Variants in ST18 observed in about 807,000 individuals in gnomAD.
ST18 encodes the protein ST18 C2H2C-type zinc finger transcription factor.
ST18 carries 50 observed loss-of-function variants against 110.0 expected under a neutral mutation model. The ratio of observed to expected loss-of-function variants is 0.45; its 90% CI spans 0.36 to 0.58. The LOEUF (loss-of-function observed/expected upper bound fraction) is 0.58, where lower values mean the gene tolerates loss of function less well. Ranked by LOEUF, ST18 falls within the 20% of genes least tolerant of loss-of-function variation. ST18 has a pLI of 0.00. For synonymous variants in ST18, 461 were observed against 452.4 expected, an observed-to-expected ratio of 1.02 and a Z score of -0.24; for missense variants, 1,306 against 1,280.1, an observed-to-expected ratio of 1.02 and a Z score of -0.31.
intron 2 of ST18, among the ~76,000 whole-genome samples, chr8:52,333,173 A>ACCC (rs1810397672): frequency 2.0e-5 from 3 of 152,124 alleles, no homozygotes; most frequent in African/African-American, 7.2e-5. Flanking sequence ...AGTGAGATAC[A>ACCC]TATTTGAGGT....
At chr8:52,178,648 C>CAAAAAAAAAAAAAAAAAAAAAAAAAAAAA (rs2068035729) in intron 9 of ST18, among the ~76,000 whole-genome samples, 1 of 37,418 alleles carries the variant, frequency 2.7e-5, no homozygotes, top group Non-Finnish European at 5.3e-5. Context: ...AAAAAACCAC[C>CAAAAAAAAAAAAAAAAAAAAAAAAAAAAA]AAAAACCAAA....
At chr8:52,403,158 G>T (rs912747102) in intron 2 of ST18, among the ~76,000 whole-genome samples, 1 of 152,078 alleles carries the variant, frequency 6.6e-6, no homozygotes, top group African/African-American at 2.4e-5. Context: ...TGTTCCCAGG[G>T]GGTATGGAGT....
At chr8:52,406,673 C>T (rs1590789166) in intron 2 of ST18, 1 of 152,238 alleles carries the variant, frequency 6.6e-6, no homozygotes, top group Non-Finnish European at 1.5e-5. Flanking sequence ...AAATCCATTC[C>T]TCTCTTCACC....
intron 2 of ST18, among the ~76,000 whole-genome samples, chr8:52,403,157 G>C (rs987613184): frequency 1.3e-5 from 2 of 152,038 alleles, no homozygotes; most frequent in African/African-American, 2.4e-5. Flanking sequence ...TTGTTCCCAG[G>C]GGGTATGGAG....
chr8:52,282,605 A>G (rs1036005532), intron 2 of ST18, among the ~76,000 whole-genome samples: 2 of 152,140 alleles, frequency 1.3e-5, no homozygotes, highest in Non-Finnish European at 2.9e-5. Context: ...TGCCTTGTGT[A>G]GGCTGAGCAC....
At chr8:52,203,382 C>G (rs1054318295) in intron 8 of ST18, among the ~76,000 whole-genome samples, 3 of 152,050 alleles carry the variant, frequency 2.0e-5, no homozygotes, top group African/African-American at 7.2e-5. Context: ...TTTCTGCCAA[C>G]CTTTGTACCA....
chr8:52,365,599 C>G (rs550746896), intron 2 of ST18, among the ~76,000 whole-genome samples: 1 of 151,354 alleles, frequency 6.6e-6, no homozygotes, highest in Non-Finnish European at 1.5e-5. Flanking sequence ...AAAAAACTTA[C>G]GTTATTTATG....
At chr8:52,170,580 AT>A (rs543413279) in intron 10 of ST18, among the ~76,000 whole-genome samples, 8 of 151,018 alleles carry the variant, frequency 5.3e-5, no homozygotes, top group South Asian at 2.1e-4. Context: ...AGTAAATTTC[AT>A]TTTTTTTTCT....
At chr8:52,197,988 T>C (rs75220005) in intron 8 of ST18, among the ~76,000 whole-genome samples, 4,892 of 152,178 alleles carry the variant, frequency 0.032, 261 homozygotes, top group African/African-American at 0.11. Context: ...CAAAAGGCGT[T>C]TTAAAGACCA....
intron 8 of ST18, among the ~76,000 whole-genome samples, chr8:52,207,521 A>G (rs758065840): frequency 2.0e-5 from 3 of 152,244 alleles, no homozygotes; most frequent in Non-Finnish European, 4.4e-5. Flanking sequence ...TAAATTAAAT[A>G]AATCTATAAT....
chr8:52,121,048 T>C (rs1048301359), intron 23 of ST18, among the ~76,000 whole-genome samples: 1 of 152,110 alleles, frequency 6.6e-6, no homozygotes, highest in African/African-American at 2.4e-5. Context: ...AAACTTGTAG[T>C]AGGATAAGTA....
chr8:52,120,158 T>C (rs2044127393), intron 23 of ST18, among the ~76,000 whole-genome samples: 1 of 152,060 alleles, frequency 6.6e-6, no homozygotes, highest in African/African-American at 2.4e-5. Flanking sequence ...GGTACAGGGA[T>C]CTCCTCTCAG....
chr8:52,226,731 TA>T, intron 3 of ST18, among the ~76,000 whole-genome samples: 1 of 152,344 alleles, frequency 6.6e-6, no homozygotes, highest in Non-Finnish European at 1.5e-5. Context: ...AAATCTATAC[TA>T]AACAACCTGA....
At chr8:52,289,037 G>A (rs981654042) in intron 2 of ST18, among the ~76,000 whole-genome samples, 5 of 152,264 alleles carry the variant, frequency 3.3e-5, no homozygotes. Flanking sequence ...ATCTGCACCT[G>A]TACTGCAATG....
At chr8:52,380,065 C>T (rs1260460159) in intron 2 of ST18, among the ~76,000 whole-genome samples, 4 of 152,128 alleles carry the variant, frequency 2.6e-5, no homozygotes, top group African/African-American at 9.7e-5. Context: ...TTGAGTAACA[C>T]CATGGGACCC....
chr8:52,166,874 G>A lies in ST18; in HGVS notation c.1182C>T (p.His394=), dbSNP rs1360755029. ...CACTTTCCAGGGGAACCCGCACTTT[G>A]TGGGGGCACCCCGAAAGGCTGCGGT... is the stretch of plus-strand genomic sequence containing the variant. ...PHHRSLSGCP[H]KVRVPLEILA... is the part of the protein sequence containing the mutation. Residue 394 remains histidine (H), a synonymous_variant, in exon 11 of 26, where the codon CAC becomes CAT. Coordinates refer to ENST00000689386, the MANE Select transcript of ST18 (RefSeq NM_001352837.2). The A allele has an allele frequency of 4.4e-6, 7 of 1,595,278 alleles. No individual in the cohort carries two copies. Among genetic ancestry groups the A allele is most frequent in the Non-Finnish European group, 6.0e-6 (7 of 1,166,160 alleles).
intron 2 of ST18, chr8:52,406,299 T>A (rs1844467161): frequency 2.0e-5 from 3 of 152,226 alleles, no homozygotes; most frequent in Admixed American, 6.5e-5. Flanking sequence ...ATTATAAAAC[T>A]CTTCCTGTAA....
At chr8:52,212,218 C>A in intron 7 of ST18, 109 bp from the exon 8 acceptor site, 1 of 1,010,206 alleles carries the variant, frequency 9.9e-7, no homozygotes, top group South Asian at 1.5e-5. Flanking sequence ...AAGTTTCTCA[C>A]TGGGTGGGTT....
At chr8:52,171,623 T>C in intron 10 of ST18, 169 bp downstream of exon 10, 1 of 774,480 alleles carries the variant, frequency 1.3e-6, no homozygotes, top group Non-Finnish European at 2.2e-6. Context: ...TGGAGGATAA[T>C]CTAGAGAGTG....
Sources: gnomAD v4.1 joint callset for allele counts (sites outside exome capture counted in the v4.1 genomes callset) on GRCh38, gnomAD v4.1.1 for gene constraint, MANE v1.5 for transcripts, NCBI Gene and HGNC (gene_info 2026-07-23, HGNC 2026-07-21) for gene names.